The following MAPKAP1 variants were observed in gnomAD, a reference collection of about 807,000 sequenced individuals.
MAPKAP1 encodes the protein MAPK associated protein 1.
MAPKAP1 carries 20 observed loss-of-function variants against 65.7 expected under a neutral mutation model. The ratio of observed to expected loss-of-function variants is 0.30; its 90% CI spans 0.21 to 0.44. The LOEUF (loss-of-function observed/expected upper bound fraction) is 0.44. MAPKAP1 is among the 20% of genes least tolerant of loss of function. MAPKAP1 has a pLI of 1.00. For missense variants in MAPKAP1, 423 were observed against 648.0 expected, an observed-to-expected ratio of 0.65 and a Z score of 3.77; for synonymous variants, 222 against 244.3, an observed-to-expected ratio of 0.91 and a Z score of 0.85.
At chr9:125,689,253 C>A (rs556433266) in intron 1 of MAPKAP1, among the ~76,000 whole-genome samples, 5 of 151,292 alleles carry the variant, frequency 3.3e-5, no homozygotes, top group African/African-American at 4.9e-5. Flanking sequence ...CTGGCTAACA[C>A]GGTGAAACCC....
At chr9:125,593,560 G>T (rs1309335713) in intron 4 of MAPKAP1, among the ~76,000 whole-genome samples, 2 of 152,098 alleles carry the variant, frequency 1.3e-5, no homozygotes, top group African/African-American at 4.8e-5. Flanking sequence ...TACTTGAGAG[G>T]CTCAGGCAGG....
chr9:125,686,069 C>A (rs1311541537), intron 1 of MAPKAP1, among the ~76,000 whole-genome samples: 1 of 152,132 alleles, frequency 6.6e-6, no homozygotes, highest in Non-Finnish European at 1.5e-5. Flanking sequence ...GTAATCCCAG[C>A]ACTTTGGGAA....
chr9:125,662,706 A>C (rs1168382042), intron 3 of MAPKAP1, among the ~76,000 whole-genome samples: 3 of 151,904 alleles, frequency 2.0e-5, no homozygotes, highest in Non-Finnish European at 4.4e-5. Flanking sequence ...ATAAAAATAA[A>C]ATTTTTCTTT....
intron 8 of MAPKAP1, among the ~76,000 whole-genome samples, chr9:125,498,984 C>A (rs1589238234): frequency 1.3e-5 from 2 of 152,326 alleles, no homozygotes; most frequent in South Asian, 4.1e-4. Flanking sequence ...TTACAGTTAA[C>A]ATTTATTGAG....
chr9:125,497,062 G>A (rs919998820), intron 8 of MAPKAP1, among the ~76,000 whole-genome samples: 18 of 152,166 alleles, frequency 1.2e-4, no homozygotes, highest in African/African-American at 4.3e-4. Context: ...CCATGGAGGG[G>A]CAGCCAGGTA....
chr9:125,635,439 C>G (rs1031183525), intron 4 of MAPKAP1, among the ~76,000 whole-genome samples: 1 of 152,202 alleles, frequency 6.6e-6, no homozygotes, highest in Non-Finnish European at 1.5e-5. Context: ...AAGAAAAAAG[C>G]CTTCCACCCT....
Position 125,543,065 on chromosome 9 carries a change from C to T in MAPKAP1, c.952G>A (p.Val318Ile). 1 of 1,608,064 alleles carries T rather than the reference C, an allele frequency of 6.2e-7. No homozygotes were observed. The highest frequency in any genetic ancestry group is 1.3e-5 in the African/African-American group (1 of 74,928). The change falls in exon 7 of 12, where the codon GTT becomes ATT. Residue 318 changes from valine (V) to isoleucine (I), a missense_variant. Around this residue, in one of 6 missense-constraint regions of MAPKAP1, gnomAD observed 185 missense variants for 268.1 expected, o/e 0.69. Transcript: ENST00000265960. ...AVKRRKGSQKVSGPQYRLEKQ... is the reference protein window; with the variant it reads ...AVKRRKGSQKISGPQYRLEKQ... ...TATGATTTAACTATCCCACCTGAAA[C>T]TTTCTGGGATCCTTTTCTTCGCTTC...
intron 1 of MAPKAP1, among the ~76,000 whole-genome samples, chr9:125,691,631 G>C (rs1419286780): frequency 6.6e-6 from 1 of 151,736 alleles, no homozygotes; most frequent in African/African-American, 2.4e-5. Flanking sequence ...TAAAACCAAG[G>C]AACAGCAATA....
intron 8 of MAPKAP1, among the ~76,000 whole-genome samples, chr9:125,499,828 T>TA (rs941829938): frequency 9.9e-5 from 15 of 150,884 alleles, no homozygotes; most frequent in South Asian, 8.4e-4. Flanking sequence ...AAAAGAAAAT[T>TA]AAAAAAAAAC....
In MAPKAP1 at chr9:125,504,415, A is replaced by G. The variant is rs143588151; in HGVS notation, c.1066+1895T>C. On this transcript the variant is annotated intron_variant, in intron 8 of 11. Transcript: ENST00000265960. ...GAATTTGCTACCAAATGCCAAAAGC[A>G]TATTTCACCTTCCTGGTGAATTTTG... Among the ~76,000 whole-genome samples the G allele has an allele frequency of 2.9e-4, 44 of 152,298 alleles. 1 individual carries two copies. Among genetic ancestry groups the G allele is most frequent in the Middle Eastern group, 3.4e-3 (1 of 294 alleles).
chr9:125,525,096 T>C, intron 7 of MAPKAP1, among the ~76,000 whole-genome samples: 1 of 152,182 alleles, frequency 6.6e-6, no homozygotes, highest in East Asian at 1.9e-4. Flanking sequence ...GAGTCTCTTT[T>C]GAACTATAAC....
At position 125,619,494 on chromosome 9, in the gene MAPKAP1, G is replaced by A. The variant is rs200266674; in HGVS notation, c.499-33767C>T. On this transcript the variant is annotated intron_variant, in intron 4 of 11. Transcript: ENST00000265960. ...TCCATTTAAAAAAAAAAAAAACTGCGTTTTATTCTGTATATTATTGCAAAT... is the reference window on the plus strand; with the variant it reads ...TCCATTTAAAAAAAAAAAAAACTGCATTTTATTCTGTATATTATTGCAAAT... 1.9e-4 allele frequency among the ~76,000 whole-genome samples: 29 copies of A among 151,624 alleles called. No individual in the cohort carries two copies. In the East Asian group the frequency reaches 4.2e-3, roughly 22 times the overall value.
intron 8 of MAPKAP1, among the ~76,000 whole-genome samples, chr9:125,505,194 G>A (rs1213514071): frequency 1.3e-5 from 2 of 152,242 alleles, no homozygotes; most frequent in African/African-American, 4.8e-5. Flanking sequence ...CACTTTGGGA[G>A]GCTGAGGCGG....
intron 9 of MAPKAP1, among the ~76,000 whole-genome samples, chr9:125,475,786 T>C (rs1564524134): frequency 6.6e-6 from 1 of 152,200 alleles, no homozygotes; most frequent in Non-Finnish European, 1.5e-5. Context: ...ATACCTCAGG[T>C]GAGCCTATGA....
chr9:125,644,065 C>G (rs1833654893), intron 4 of MAPKAP1, among the ~76,000 whole-genome samples: 1 of 152,166 alleles, frequency 6.6e-6, no homozygotes, highest in Non-Finnish European at 1.5e-5. Context: ...GTGGAATATT[C>G]AGGAAGCATT....
At position 125,618,673 on chromosome 9, in the gene MAPKAP1, G is replaced by C. The variant is rs1008781649; in HGVS notation, c.499-32946C>G. Among the ~76,000 whole-genome samples, 5 of 152,306 alleles carry C rather than the reference G, an allele frequency of 3.3e-5. No individual in the cohort carries two copies. The East Asian group carries it at 9.6e-4, about 29-fold the overall frequency. ...ATAGTCACTCAAATTTGTTTGATAT[G>C]TGCAGTGGCGTGTATACACCTCAAA... On this transcript the variant is annotated intron_variant, in intron 4 of 11. Transcript: ENST00000265960.
At chr9:125,649,419 G>A (rs542438559) in intron 4 of MAPKAP1, among the ~76,000 whole-genome samples, 3 of 152,196 alleles carry the variant, frequency 2.0e-5, no homozygotes, top group East Asian at 3.9e-4. Flanking sequence ...TTACTCTCTC[G>A]AAAATAAAAG....
In MAPKAP1 at chr9:125,506,430, AG is replaced by A; in HGVS notation, c.959-14del. 1 of 1,608,582 alleles carries A rather than the reference AG, an allele frequency of 6.2e-7. No homozygotes were observed. The highest frequency in any genetic ancestry group is 8.5e-7 in the Non-Finnish European group (1 of 1,175,034). On this transcript the variant is annotated splice_polypyrimidine_tract_variant and intron_variant, in intron 7 of 11. Coordinates refer to ENST00000265960, the MANE Select transcript of MAPKAP1 (RefSeq NM_001006617.3). ...CGGTACTGAGGGCCTGGAAGATCAA[AG>A]GGGCAGGAGGAGGGGAGGAAGTCTG... is the stretch of plus-strand genomic sequence containing the variant.
chr9:125,569,528 A>G (rs1275753363), intron 5 of MAPKAP1, among the ~76,000 whole-genome samples: 1 of 152,182 alleles, frequency 6.6e-6, no homozygotes, highest in African/African-American at 2.4e-5. Flanking sequence ...CTGTGGTAAA[A>G]TTCAAAAGCC....
Sources: allele counts gnomAD v4.1 joint callset (sites outside exome capture counted in the v4.1 genomes callset), GRCh38; gene constraint gnomAD v4.1.1; regional missense constraint gnomAD v4.1.1; transcripts MANE v1.5; gene names NCBI Gene and HGNC (gene_info 2026-07-23, HGNC 2026-07-21).